The following NCKAP1 variants were observed in gnomAD, a reference collection of about 807,000 sequenced individuals.
NCKAP1 encodes the protein NCK associated protein 1.
NCKAP1 carries 21 observed loss-of-function variants against 151.2 expected under a neutral mutation model. That is an observed-to-expected ratio of 0.14 (90% confidence interval 0.10 to 0.20). The LOEUF (loss-of-function observed/expected upper bound fraction) is 0.20. Ranked by LOEUF, NCKAP1 falls within the 10% of genes least tolerant of loss-of-function variation. The pLI is 1.00. For missense variants in NCKAP1, 933 were observed against 1,352.1 expected (o/e 0.69, Z 4.86); for synonymous variants, 484 against 451.8 (o/e 1.07, Z -0.90).
intron 1 of NCKAP1, among the ~76,000 whole-genome samples, chr2:183,027,756 T>A (rs1698926069): frequency 6.6e-6 from 1 of 152,088 alleles, no homozygotes; most frequent in African/African-American, 2.4e-5. Context: ...AAATTCCAAA[T>A]AACCAGAAGT....
chr2:182,965,288 C>A (rs563102131), intron 16 of NCKAP1, among the ~76,000 whole-genome samples: 62 of 138,926 alleles, frequency 4.5e-4, no homozygotes, highest in Admixed American at 1.2e-3. Flanking sequence ...AAAAAAAAAA[C>A]ATTGCCAATT....
In NCKAP1 at chr2:182,911,049, G is replaced by A. The variant is rs1000105240; in HGVS notation, c.*14653C>T. On this transcript the variant is annotated 3_prime_UTR_variant, in exon 31 of 31. Transcript: ENST00000361354. ...CCGGCCATGATGGGATGGGAGGTTG[G>A]GCACATCTCATTATACCCCCTCCTC... The A allele has an allele frequency of 2.0e-5, 3 of 150,862 alleles. No homozygotes were observed. The highest frequency in any genetic ancestry group is 7.3e-5 in the African/African-American group (3 of 41,166). 9.3% of individuals were successfully genotyped at this position (150,862 alleles called of 1,614,324 possible).
rs1451929977 is a variant in NCKAP1, at chr2:182,930,689, T to C, written c.2953+6A>G. The C allele has an allele frequency of 3.1e-6, 5 of 1,610,348 alleles. No individual in the cohort carries two copies. Among genetic ancestry groups the C allele is most frequent in the Non-Finnish European group, 8.5e-7 (1 of 1,176,816 alleles). On this transcript the variant is annotated splice_donor_region_variant and intron_variant, in intron 27 of 30. Coordinates refer to ENST00000361354, the MANE Select transcript of NCKAP1 (RefSeq NM_013436.5). The stretch of plus-strand genomic sequence containing the variant: ...AGAGTATTAAATATTTACTAATGCA[T>C]TTTACCCGATTTTTGTGAAGAAAGA...
In NCKAP1 at chr2:182,978,879, T is replaced by C. The variant is rs1419780481; in HGVS notation, c.1378A>G (p.Met460Val). The C allele has an allele frequency of 8.7e-6, 14 of 1,609,074 alleles. No individual in the cohort carries two copies. Among genetic ancestry groups the C allele is most frequent in the Non-Finnish European group, 1.2e-5 (14 of 1,176,662 alleles). Reference sequence around the variant, plus strand: ...GTCATAGTGTTAACAAAAGAGGACATGATGATTGATTCATCTTCAGGGCAA... The same window carrying C: ...GTCATAGTGTTAACAAAAGAGGACACGATGATTGATTCATCTTCAGGGCAA... ...SVCPEDESII[M>V]SSFVNTMTSL... Residue 460 changes from methionine to valine, a missense_variant, in exon 14 of 31, where the codon ATG (methionine) becomes GTG (valine). Met to Val is a conservative substitution (Grantham distance 21). Around this residue, in one of 2 missense-constraint regions of NCKAP1, gnomAD observed 607 missense variants for 795.0 expected, o/e 0.76. Transcript: ENST00000361354.
intron 12 of NCKAP1, among the ~76,000 whole-genome samples, chr2:182,981,775 G>C (rs999287603): frequency 6.6e-6 from 1 of 151,786 alleles, no homozygotes; most frequent in Non-Finnish European, 1.5e-5. Flanking sequence ...TGGGCATGGT[G>C]GTGGGTGTCT....
intron 2 of NCKAP1, among the ~76,000 whole-genome samples, chr2:183,007,739 G>GC (rs1698505665): frequency 1.3e-5 from 2 of 152,042 alleles, no homozygotes; most frequent in Non-Finnish European, 2.9e-5. Context: ...TCTAGGCCAG[G>GC]CTGCTCAAAG....
chr2:182,962,399 A>C, intron 17 of NCKAP1, 121 bp from the exon 18 acceptor site: 1 of 941,276 alleles, frequency 1.1e-6, no homozygotes, highest in Non-Finnish European at 1.5e-6. Flanking sequence ...TGAGGGTGGG[A>C]GATGTTAAAA....
chr2:182,982,726 T>C, intron 12 of NCKAP1, 95 bp downstream of exon 12: 1 of 777,500 alleles, frequency 1.3e-6, no homozygotes, highest in Non-Finnish European at 2.0e-6. Flanking sequence ...TTAACAATAT[T>C]TTCAACTTAC....
chr2:182,953,370 C>G, intron 20 of NCKAP1, 39 bp from the exon 21 acceptor site: 1 of 1,434,258 alleles, frequency 7.0e-7, no homozygotes, highest in Non-Finnish European at 9.6e-7. Context: ...AAGCCTCTGA[C>G]TTTTCCATTC....
At chr2:183,016,589 C>T (rs1698692756) in intron 2 of NCKAP1, among the ~76,000 whole-genome samples, 1 of 152,126 alleles carries the variant, frequency 6.6e-6, no homozygotes, top group African/African-American at 2.4e-5. Flanking sequence ...GCTGTTACAA[C>T]TCCCAGCATG....
chr2:183,026,157 T>C (rs561778059), intron 1 of NCKAP1, among the ~76,000 whole-genome samples: 1 of 152,322 alleles, frequency 6.6e-6, no homozygotes, highest in Non-Finnish European at 1.5e-5. Flanking sequence ...AGAATTTCAT[T>C]TTGTCCAAGT....
Position 182,916,303 on chromosome 2 carries a change from C to A in NCKAP1, c.*9399G>T, listed in dbSNP as rs1379177038. ...CAAAAAGAAACAGAACCACTTGTTCCCAACATGAAGCTAAGGGCATCTGTA... is the reference window on the plus strand; with the variant it reads ...CAAAAAGAAACAGAACCACTTGTTCACAACATGAAGCTAAGGGCATCTGTA... On this transcript the variant is annotated 3_prime_UTR_variant, in exon 31 of 31. Transcript: ENST00000361354. The A allele has an allele frequency of 6.6e-6, 1 of 152,048 alleles. No homozygotes were observed. Among genetic ancestry groups the A allele is most frequent in the Non-Finnish European group, 1.5e-5 (1 of 68,030 alleles). The allele number at this position is 152,048 out of a possible 1,614,324, so 9.4% of individuals were successfully genotyped here. A position where few individuals can be genotyped will look rare whatever the true frequency, so the allele number is the denominator to read the frequency against.
chr2:183,037,450 T>G (rs1699124734), intron 1 of NCKAP1, among the ~76,000 whole-genome samples: 1 of 152,220 alleles, frequency 6.6e-6, no homozygotes, highest in Non-Finnish European at 1.5e-5. Flanking sequence ...CTCAATGGCT[T>G]TTTATTTAGC....
At chr2:182,936,051 G>A (rs1366683194) in intron 24 of NCKAP1, among the ~76,000 whole-genome samples, 4 of 151,918 alleles carry the variant, frequency 2.6e-5, no homozygotes, top group Non-Finnish European at 5.9e-5. Flanking sequence ...GAGCCCAGGA[G>A]TTCACAAGCA....
chr2:183,002,956 T>C lies in NCKAP1; in HGVS notation c.369+18A>G. 6.3e-7 allele frequency: 1 copy of C among 1,591,236 alleles called. No homozygotes were observed. The highest frequency in any genetic ancestry group is 8.6e-7 in the Non-Finnish European group (1 of 1,162,862). On this transcript the variant is annotated intron_variant, in intron 4 of 30. Coordinates refer to ENST00000361354, the MANE Select transcript of NCKAP1 (RefSeq NM_013436.5). ...TGGAAACAGAATAATTGGACATTTT[T>C]CTGAAAATGATACTTACAATATCAA...
intron 1 of NCKAP1, among the ~76,000 whole-genome samples, chr2:183,035,029 C>G (rs1487017847): frequency 6.6e-6 from 1 of 151,994 alleles, no homozygotes; most frequent in Non-Finnish European, 1.5e-5. Context: ...CATGCTGGAA[C>G]CTTTAAAAAT....
At chr2:182,997,858 C>G (rs756084475) in intron 6 of NCKAP1, among the ~76,000 whole-genome samples, 1 of 151,944 alleles carries the variant, frequency 6.6e-6, no homozygotes, top group Non-Finnish European at 1.5e-5. Context: ...CAAAATCTCG[C>G]AAAAATACAA....
At chr2:183,035,986 A>G (rs866705126) in intron 1 of NCKAP1, among the ~76,000 whole-genome samples, 1 of 152,190 alleles carries the variant, frequency 6.6e-6, no homozygotes, top group African/African-American at 2.4e-5. Context: ...TAAGAAACTA[A>G]AAATATAAGG....
chr2:182,997,769 C>T (rs528744553), intron 6 of NCKAP1, among the ~76,000 whole-genome samples: 1 of 152,172 alleles, frequency 6.6e-6, no homozygotes, highest in African/African-American at 2.4e-5. Flanking sequence ...ACCAGACATA[C>T]AATCCTATTG....
Sources: allele counts gnomAD v4.1 joint callset (sites outside exome capture counted in the v4.1 genomes callset), GRCh38; gene constraint gnomAD v4.1.1; regional missense constraint gnomAD v4.1.1; transcripts MANE v1.5; gene names NCBI Gene and HGNC (gene_info 2026-07-23, HGNC 2026-07-21).